DNMT3B: variants seen among roughly 807,000 people sequenced by gnomAD.
DNMT3B encodes the protein DNA methyltransferase 3 beta, also known as DNA (cytosine-5)-methyltransferase 3B.
In DNMT3B, 37 loss-of-function variants were observed where a neutral mutation model predicts 120.2. That is an observed-to-expected ratio of 0.31 (90% confidence interval 0.24 to 0.40). The LOEUF is 0.40. DNMT3B is among the 10% of genes least tolerant of loss of function. The probability of loss-of-function intolerance (pLI) is 1.00; values close to 1 mark genes in which losing one functional copy is unlikely to be tolerated. For missense variants in DNMT3B, 878 were observed against 1,137.3 expected (o/e 0.77, Z 3.28); for synonymous variants, 412 against 442.8 (o/e 0.93, Z 0.87).
chr20:32,789,751 A>T (rs1293639739), intron 7 of DNMT3B, among the ~76,000 whole-genome samples: 1 of 151,998 alleles, frequency 6.6e-6, no homozygotes, highest in African/African-American at 2.4e-5. Flanking sequence ...CTGCCACCGC[A>T]CCCTGCTAAT....
At chr20:32,776,679 T>C (rs1988087929) in intron 1 of DNMT3B, among the ~76,000 whole-genome samples, 1 of 152,164 alleles carries the variant, frequency 6.6e-6, no homozygotes, top group Non-Finnish European at 1.5e-5. Context: ...TGAGTTAAGA[T>C]AAGTAAAGCC....
In DNMT3B at chr20:32,800,310, CTG is replaced by C. The variant is rs1234859540; in HGVS notation, c.1905+14_1905+15del. 1 of 1,613,956 alleles carries C rather than the reference CTG, an allele frequency of 6.2e-7. No homozygotes were observed. Among genetic ancestry groups the C allele is most frequent in the African/African-American group, 1.3e-5 (1 of 74,924 alleles). ...TCACAAAGAAAAATGTGAGGGCAGT[CTG>C]TACCTTGCGGGCCTCATCTCTTCCT... On this transcript the variant is annotated intron_variant, in intron 17 of 22. Coordinates refer to ENST00000328111, the MANE Select transcript of DNMT3B (RefSeq NM_006892.4).
Position 32,798,460 on chromosome 20 carries a change from G to T in DNMT3B, c.1491G>T (p.Arg497=). 6.2e-7 allele frequency: 1 copy of T among 1,614,226 alleles called. No individual in the cohort carries two copies. The highest frequency in any genetic ancestry group is 8.5e-7 in the Non-Finnish European group (1 of 1,180,042). The change falls in exon 15 of 23, where the codon CGG becomes CGT. Residue 497 remains arginine (R), a splice_region_variant and synonymous_variant. Transcript: ENST00000328111. ...CCCTTCTCCCTGCCACTGGGTCCAGGTGTTTCTGTGTGGAGTGCCTGGAGG... is the reference window on the plus strand; with the variant it reads ...CCCTTCTCCCTGCCACTGGGTCCAGTTGTTTCTGTGTGGAGTGCCTGGAGG... ...LLLCSNTSCC[R]CFCVECLEVL...
Position 32,797,256 on chromosome 20 carries a change from G to A in DNMT3B, c.1447G>A (p.Glu483Lys), listed in dbSNP as rs1980740867. Reference protein sequence around the residue: ...GYQSYCTVCCEGRELLLCSNT... With the variant: ...GYQSYCTVCCKGRELLLCSNT... ...TCAGTCTTACTGCACTGTGTGCTGC[G>A]AGGGCCGAGAGCTGCTGCTTTGCAG... Residue 483 changes from glutamate to lysine, a missense_variant, in exon 14 of 23, where the codon GAG (glutamate) becomes AAG (lysine). Glu to Lys is a moderately conservative substitution (Grantham distance 56, BLOSUM62 1). Transcript: ENST00000328111. 3 of 1,614,206 alleles carry A rather than the reference G, an allele frequency of 1.9e-6. No individual in the cohort carries two copies. Among genetic ancestry groups the A allele is most frequent in the Non-Finnish European group, 2.5e-6 (3 of 1,180,056 alleles).
At chr20:32,799,961 T>C (rs1981120351) in intron 16 of DNMT3B, among the ~76,000 whole-genome samples, 192 bp from the exon 17 acceptor site, 1 of 152,292 alleles carries the variant, frequency 6.6e-6, no homozygotes, top group African/African-American at 2.4e-5. Flanking sequence ...CCTCTGGTTT[T>C]GGTTCCCTTC....
intron 1 of DNMT3B, among the ~76,000 whole-genome samples, chr20:32,774,243 T>G (rs1357616327): frequency 1.3e-5 from 2 of 151,812 alleles, no homozygotes; most frequent in Non-Finnish European, 2.9e-5. Flanking sequence ...GGAGTCTCGC[T>G]CTGTCACCTA....
chr20:32,769,863 T>C (rs188516222), intron 1 of DNMT3B, among the ~76,000 whole-genome samples: 1 of 152,226 alleles, frequency 6.6e-6, no homozygotes, highest in East Asian at 1.9e-4. Context: ...AACCATACAT[T>C]ATATAGCCCT....
At chr20:32,801,925 C>T (rs1377614410) in intron 19 of DNMT3B, among the ~76,000 whole-genome samples, 1 of 152,172 alleles carries the variant, frequency 6.6e-6, no homozygotes, top group Non-Finnish European at 1.5e-5. Flanking sequence ...CAGCCCAACT[C>T]TTTGAAGTCA....
Position 32,807,873 on chromosome 20 carries a change from C to T in DNMT3B, c.2532C>T (p.Ala844=), listed in dbSNP as rs748792803. 8.7e-6 allele frequency: 14 copies of T among 1,614,126 alleles called. No individual in the cohort carries two copies. ...WSVPVIRHLF[A]PLKDYFACE is the part of the protein sequence containing the mutation. ...TGCCTGTCATCCGACACCTCTTCGC[C>T]CCTCTGAAGGACTACTTTGCATGTG... The change falls in exon 23 of 23, where the codon GCC becomes GCT. Residue 844 remains alanine (A), a synonymous_variant. Coordinates refer to ENST00000328111, the MANE Select transcript of DNMT3B (RefSeq NM_006892.4).
Position 32,797,484 on chromosome 20 carries a change from A to G in DNMT3B, c.1490+185A>G, listed in dbSNP as rs529234641. 2.0e-5 allele frequency among the ~76,000 whole-genome samples: 3 copies of G among 152,254 alleles called. No homozygotes were observed. In the South Asian group the frequency reaches 6.2e-4, roughly 32 times the overall value. On this transcript the variant is annotated intron_variant, in intron 14 of 22. Transcript: ENST00000328111. ...TGTGGTTGTAGCATAATTGGAGTAG[A>G]ACTCATGTATAGGGAACGGCTCTTT...
chr20:32,782,142 C>T (rs1978700427), intron 3 of DNMT3B, among the ~76,000 whole-genome samples: 1 of 152,160 alleles, frequency 6.6e-6, no homozygotes, highest in African/African-American at 2.4e-5. Flanking sequence ...TACTGTTGCA[C>T]CTCAAACTGC....
chr20:32,785,945 G>T (rs376552377), intron 4 of DNMT3B, among the ~76,000 whole-genome samples: 1 of 151,048 alleles, frequency 6.6e-6, no homozygotes, highest in Non-Finnish European at 1.5e-5. Context: ...GTGCAGTGAC[G>T]TGATCTCAGC....
rs556202476 is a variant in DNMT3B at position 32,800,932 on chromosome 20, A to G, written c.1996+7A>G. 127 of 1,614,074 alleles carry G rather than the reference A, an allele frequency of 7.9e-5. No individual in the cohort carries two copies. Among genetic ancestry groups the G allele is most frequent in the Non-Finnish European group, 1.0e-4 (118 of 1,180,026 alleles). Reference sequence around the variant, plus strand: ...GCCAGGAAAGGCCTGTATGGTGAGCATCCTTCTCTCTGGCAGTCCCTGGAG... The same window carrying G: ...GCCAGGAAAGGCCTGTATGGTGAGCGTCCTTCTCTCTGGCAGTCCCTGGAG... On this transcript the variant is annotated splice_region_variant and intron_variant, in intron 18 of 22. Transcript: ENST00000328111.
chr20:32,773,934 G>GGTTTTTTTTTTTTTT (rs1987901194), intron 1 of DNMT3B, among the ~76,000 whole-genome samples: 2 of 69,130 alleles, frequency 2.9e-5, no homozygotes, highest in African/African-American at 1.3e-4. Context: ...CCCGGCAGTG[G>GGTTTTTTTTTTTTTT]TTTTTTTTTT....
chr20:32,780,008 G>A (rs1483468378), intron 1 of DNMT3B: 72 of 1,452,908 alleles, frequency 5.0e-5, no homozygotes, highest in Non-Finnish European at 6.5e-5. Context: ...GGCATTGTTT[G>A]AAGGGGCCGG....
rs148132847 is a variant in DNMT3B at position 32,795,421 on chromosome 20, G to A, written c.1139G>A (p.Arg380Gln). The A allele has an allele frequency of 2.5e-5, 41 of 1,614,008 alleles. No individual in the cohort carries two copies. In the South Asian group the frequency reaches 2.7e-4, roughly 11 times the overall value. Residue 380 changes from arginine (R) to glutamine (Q), a missense_variant, in exon 11 of 23, where the codon CGA (arginine) becomes CAA (glutamine). Physicochemically the swap from Arg to Gln is conservative, Grantham distance 43. Transcript: ENST00000328111. ...LESRKYENKT[R>Q]RRTADDSATS... ...TTACCTTTCACAGAGAACAAGACTC[G>A]AAGACGCACAGCTGACGACTCAGCC...
At position 32,808,511 on chromosome 20, in the gene DNMT3B, C is replaced by G. The variant is rs1001300333; in HGVS notation, c.*608C>G. 3 of 232,396 alleles carry G rather than the reference C, an allele frequency of 1.3e-5. No homozygotes were observed. Among genetic ancestry groups the G allele is most frequent in the Non-Finnish European group, 1.7e-5 (2 of 117,704 alleles). The allele number at this position is 232,396 out of a possible 1,614,324, so 14.4% of individuals were successfully genotyped here. A position where few individuals can be genotyped will look rare whatever the true frequency, so the allele number is the denominator to read the frequency against. ...ACAAGGGCTGGAGTCTGCACGGGAC[C>G]TATTAGAGTATTTTCCACAATGATG... On this transcript the variant is annotated 3_prime_UTR_variant, in exon 23 of 23. Coordinates refer to ENST00000328111, the MANE Select transcript of DNMT3B (RefSeq NM_006892.4).
At chr20:32,771,018 T>C (rs1355129923) in intron 1 of DNMT3B, among the ~76,000 whole-genome samples, 3 of 152,228 alleles carry the variant, frequency 2.0e-5, no homozygotes, top group Non-Finnish European at 4.4e-5. Context: ...TTGCTGGGGT[T>C]ACAGGCATGA....
intron 1 of DNMT3B, among the ~76,000 whole-genome samples, chr20:32,774,193 A>G (rs1987929787): frequency 6.7e-6 from 1 of 149,590 alleles, no homozygotes; most frequent in Non-Finnish European, 1.5e-5. Flanking sequence ...TACTTACTGC[A>G]TTGTTTTATG....
Sources: allele counts gnomAD v4.1 joint callset (sites outside exome capture counted in the v4.1 genomes callset), GRCh38; gene constraint gnomAD v4.1.1; transcripts MANE v1.5; gene names NCBI Gene and HGNC (gene_info 2026-07-23, HGNC 2026-07-21).